VSIG2: variants seen among roughly 807,000 people sequenced by gnomAD.
VSIG2 encodes the protein V-set and immunoglobulin domain-containing protein 2.
In VSIG2, 30 loss-of-function variants were observed where a neutral mutation model predicts 29.4. The ratio of observed to expected loss-of-function variants is 1.02; its 90% CI spans 0.76 to 1.38. The LOEUF (loss-of-function observed/expected upper bound fraction) is 1.38, where lower values mean the gene tolerates loss of function less well. Ranked by LOEUF, VSIG2 falls within the 40% of genes most tolerant of loss-of-function variation. The pLI is 0.00. For synonymous variants in VSIG2, 178 were observed against 174.2 expected (o/e 1.02, Z -0.17); for missense variants, 421 against 400.8 (o/e 1.05, Z -0.43).
Position 124,748,178 on chromosome 11 carries a change from C to T in VSIG2, c.851+212G>A, listed in dbSNP as rs1944038450. ...AGTCCTGCAAACAGCTTCCCTGCCA[C>T]AGCTTGTGGACCAGCCACTCCACCC... On this transcript the variant is annotated intron_variant, in intron 6 of 6. Transcript: ENST00000326621. The T allele has an allele frequency of 2.6e-5, 14 of 546,214 alleles. No homozygotes were observed. The South Asian group carries it at 4.3e-4, about 17-fold the overall frequency. 33.8% of individuals were successfully genotyped at this position (546,214 alleles called of 1,614,324 possible).
intron 6 of VSIG2, chr11:124,748,029 ACTGCTCAGGACAAATCCATTTCCTGGCAT>A: frequency 5.7e-6 from 2 of 353,928 alleles, no homozygotes; most frequent in Non-Finnish European, 1.0e-5. Flanking sequence ...AACTCAGCTG[ACTGCTCAGGACAAATCCATTTCCTGGCAT>A]CTACAAGCCA....
chr11:124,748,204 T>C (rs1944038793), intron 6 of VSIG2, 186 bp downstream of exon 6: 3 of 660,462 alleles, frequency 4.5e-6, no homozygotes, highest in Non-Finnish European at 7.6e-6. Context: ...CACTCCACCC[T>C]GTACCGCTTG....
intron 6 of VSIG2, 66 bp downstream of exon 6, chr11:124,748,324 A>G (rs1182061383): frequency 1.5e-5 from 23 of 1,497,046 alleles, no homozygotes; most frequent in Non-Finnish European, 2.1e-5. Context: ...TGAGGGTTGC[A>G]GGCACCCGCT....
intron 3 of VSIG2, among the ~76,000 whole-genome samples, chr11:124,750,466 A>G (rs1370388662): frequency 6.6e-6 from 1 of 151,572 alleles, no homozygotes; most frequent in African/African-American, 2.4e-5. Flanking sequence ...ATCCCCATGT[A>G]TGGGAAGGAC....
intron 3 of VSIG2, among the ~76,000 whole-genome samples, chr11:124,750,103 C>A (rs1174897489): frequency 6.6e-6 from 1 of 152,176 alleles, no homozygotes; most frequent in Non-Finnish European, 1.5e-5. Flanking sequence ...AACATAACCT[C>A]CACCCATTGG....
chr11:124,748,257 A>AAT lies in VSIG2; in HGVS notation c.851+131_851+132dup, dbSNP rs1232190644. The AAT allele has an allele frequency of 1.4e-5, 15 of 1,089,096 alleles. No homozygotes were observed. The Middle Eastern group carries it at 9.4e-4, about 68-fold the overall frequency. 67.5% of individuals were successfully genotyped at this position (1,089,096 alleles called of 1,614,324 possible). ...ACAGGTTACACTGCTGCCACCAGCA[A>AAT]ATTCCACGGCTGAACAACACCTCCT... is the stretch of plus-strand genomic sequence containing the variant. On this transcript the variant is annotated intron_variant, in intron 6 of 6. Coordinates refer to ENST00000326621, the MANE Select transcript of VSIG2 (RefSeq NM_014312.5).
intron 1 of VSIG2, among the ~76,000 whole-genome samples, chr11:124,751,853 T>C (rs1003753663): frequency 6.6e-6 from 1 of 152,218 alleles, no homozygotes; most frequent in Non-Finnish European, 1.5e-5. Context: ...GGTTCAGGCC[T>C]GTGCCGCGGA....
rs756358415 is a variant in VSIG2 at position 124,751,427 on chromosome 11, T to C, written c.215A>G (p.His72Arg). ...ATGCAGTCGCTCTCAGCTCACTGGA[T>C]GGGACTCAGAGATGGGTTTCCCAGG... is the stretch of plus-strand genomic sequence containing the variant. Reference protein sequence around the residue: ...VQPGKPISESHPILYFTNGHL... With the variant: ...VQPGKPISESRPILYFTNGHL... The change falls in exon 2 of 7, where the codon CAT becomes CGT. Residue 72 changes from histidine to arginine, a missense_variant. Physicochemically the swap from His to Arg is conservative, Grantham distance 29. Transcript: ENST00000326621. 1 of 1,611,986 alleles carries C rather than the reference T, an allele frequency of 6.2e-7. No individual in the cohort carries two copies. Among genetic ancestry groups the C allele is most frequent in the Non-Finnish European group, 8.5e-7 (1 of 1,179,984 alleles).
intron 2 of VSIG2, 86 bp from the exon 3 acceptor site, chr11:124,751,007 A>G: frequency 7.0e-7 from 1 of 1,430,326 alleles, no homozygotes; most frequent in South Asian, 1.3e-5. Context: ...TGGGTATAAG[A>G]GGCCTCTGAC....
intron 6 of VSIG2, 57 bp downstream of exon 6, chr11:124,748,333 C>A: frequency 6.5e-7 from 1 of 1,535,662 alleles, no homozygotes; most frequent in South Asian, 1.3e-5. Flanking sequence ...CAGGCACCCG[C>A]TTTTAACTCA....
intron 2 of VSIG2, 132 bp downstream of exon 2, chr11:124,751,291 T>C (rs1286267649): frequency 8.9e-7 from 1 of 1,122,756 alleles, no homozygotes; most frequent in African/African-American, 1.5e-5. Flanking sequence ...TCTGAAAAGA[T>C]CTAGGGAGAG....
intron 3 of VSIG2, 139 bp from the exon 4 acceptor site, chr11:124,750,005 T>G: frequency 1.0e-6 from 1 of 975,808 alleles, no homozygotes; most frequent in Non-Finnish European, 1.4e-6. Flanking sequence ...CACACACCAC[T>G]GCATCCCCAG....
Position 124,747,565 on chromosome 11 carries a change from G to A in VSIG2, c.954C>T (p.Thr318=). The A allele has an allele frequency of 1.9e-6, 3 of 1,613,642 alleles. No individual in the cohort carries two copies. The highest frequency in any genetic ancestry group is 2.5e-6 in the Non-Finnish European group (3 of 1,179,810). ...CGACCATAGGGAGCTTGGACTTGGT[G>A]GTCGTCACGGTGCTGGCAGACGAGG... ...ERPSSASTVT[T]TKSKLPMVV The change falls in exon 7 of 7, where the codon ACC becomes ACT. Residue 318 remains threonine (T), a synonymous_variant. Coordinates refer to ENST00000326621, the MANE Select transcript of VSIG2 (RefSeq NM_014312.5).
chr11:124,751,336 C>G lies in VSIG2; in HGVS notation c.219+87G>C. 3 of 1,549,084 alleles carry G rather than the reference C, an allele frequency of 1.9e-6. No homozygotes were observed. The South Asian group carries it at 3.4e-5, about 18-fold the overall frequency. ...CTTTTCATCCAAGCATACTGATCCCCAAACTCCCCCTCCCGACCCCATGCC... is the reference window on the plus strand; with the variant it reads ...CTTTTCATCCAAGCATACTGATCCCGAAACTCCCCCTCCCGACCCCATGCC... On this transcript the variant is annotated intron_variant, in intron 2 of 6. Transcript: ENST00000326621.
chr11:124,751,780 G>C (rs1441009475), intron 1 of VSIG2, among the ~76,000 whole-genome samples, 200 bp from the exon 2 acceptor site: 2 of 152,228 alleles, frequency 1.3e-5, no homozygotes, highest in African/African-American at 2.4e-5. Flanking sequence ...AGCCGGAACC[G>C]GGCCAGGTAA....
chr11:124,749,846 A>G lies in VSIG2; in HGVS notation c.448T>C (p.Cys150Arg), dbSNP rs1944060099. 3 of 1,401,736 alleles carry G rather than the reference A, an allele frequency of 2.1e-6. No individual in the cohort carries two copies. The highest frequency in any genetic ancestry group is 2.0e-6 in the Non-Finnish European group (2 of 1,025,048). 86.8% of individuals were successfully genotyped at this position (1,401,736 alleles called of 1,614,324 possible). A position where few individuals can be genotyped will look rare whatever the true frequency, so the allele number is the denominator to read the frequency against. Reference protein sequence around the residue: ...TVLVPPSNPLCSQSGQTSVGG... With the variant: ...TVLVPPSNPLRSQSGQTSVGG... ...ACAGAGGTTTGTCCACTCTGACTGC[A>G]TAAGGGATTACTGGGGGGAACTGCA... Residue 150 changes from cysteine to arginine, a missense_variant, in exon 4 of 7, where the codon TGC becomes CGC. Coordinates refer to ENST00000326621, the MANE Select transcript of VSIG2 (RefSeq NM_014312.5).
At chr11:124,747,997 G>C in intron 6 of VSIG2, 1 of 358,650 alleles carries the variant, frequency 2.8e-6, no homozygotes, top group Non-Finnish European at 5.0e-6. Context: ...CCCCTTTCCT[G>C]ATTTCCTCCA....
At position 124,749,883 on chromosome 11, in the gene VSIG2, A is replaced by AAAAC; in HGVS notation, c.428-18_428-17insGTTT. The AAAAC allele has an allele frequency of 6.6e-7, 1 of 1,513,412 alleles. No individual in the cohort carries two copies. The highest frequency in any genetic ancestry group is 1.5e-5 in the African/African-American group (1 of 67,640). 93.7% of individuals were successfully genotyped at this position (1,513,412 alleles called of 1,614,324 possible). ...TGGGGGGAACTGCAAAAAAAAAAAA[A>AAAAC]AAAAAAAAAAAACAGAAAGTTCCTC... On this transcript the variant is annotated splice_polypyrimidine_tract_variant and intron_variant, in intron 3 of 6. Coordinates refer to ENST00000326621, the MANE Select transcript of VSIG2 (RefSeq NM_014312.5).
chr11:124,749,566 G>T, intron 4 of VSIG2, 142 bp downstream of exon 4: 1 of 1,172,712 alleles, frequency 8.5e-7, no homozygotes, highest in Non-Finnish European at 1.2e-6. Context: ...AACAATACAG[G>T]AAGCCAAGGA....
Sources: allele counts gnomAD v4.1 joint callset (sites outside exome capture counted in the v4.1 genomes callset), GRCh38; gene constraint gnomAD v4.1.1; transcripts MANE v1.5; gene names NCBI Gene and HGNC (gene_info 2026-07-23, HGNC 2026-07-21).